Variants in PCBP3 observed in about 807,000 individuals in gnomAD.
PCBP3 encodes the protein poly(rC)-binding protein 3.
In PCBP3, 25 loss-of-function variants were observed where a neutral mutation model predicts 52.7. The observed-to-expected ratio is 0.47, with a 90% CI of 0.35 to 0.66. PCBP3 has a LOEUF of 0.66. Ranked by LOEUF, PCBP3 falls within the 30% of genes least tolerant of loss-of-function variation. The pLI is 0.01. For synonymous variants in PCBP3, 162 were observed against 183.0 expected, an observed-to-expected ratio of 0.89 and a Z score of 0.93; for missense variants, 391 against 490.3, an observed-to-expected ratio of 0.80 and a Z score of 1.91.
intron 2 of PCBP3, among the ~76,000 whole-genome samples, chr21:45,707,981 C>T (rs545220904): frequency 1.7e-4 from 26 of 152,324 alleles, no homozygotes; most frequent in African/African-American, 6.0e-4. Flanking sequence ...CAAGGTCACT[C>T]CACTGGTGTC....
intron 4 of PCBP3, among the ~76,000 whole-genome samples, chr21:45,834,849 G>C (rs1345453672): frequency 6.6e-6 from 1 of 152,252 alleles, no homozygotes; most frequent in Admixed American, 6.5e-5. Flanking sequence ...GCAGAGCCCA[G>C]GAATGCCCAC....
At chr21:45,893,780 G>A in intron 5 of PCBP3, 1 of 985,504 alleles carries the variant, frequency 1.0e-6, no homozygotes, top group Non-Finnish European at 1.2e-6. Flanking sequence ...CACAGTGTGG[G>A]GAGGGGCGGG....
At chr21:45,689,537 C>T (rs1187102128) in intron 2 of PCBP3, among the ~76,000 whole-genome samples, 2 of 152,016 alleles carry the variant, frequency 1.3e-5, no homozygotes, top group African/African-American at 4.8e-5. Context: ...CAAGAAGATC[C>T]ATTCTCACTA....
At chr21:45,909,960 C>T (rs1468047823) in intron 10 of PCBP3, among the ~76,000 whole-genome samples, 1 of 83,520 alleles carries the variant, frequency 1.2e-5, no homozygotes, top group Non-Finnish European at 2.4e-5. Context: ...AGATACGGAC[C>T]CCCCCACACA....
intron 4 of PCBP3, among the ~76,000 whole-genome samples, chr21:45,790,235 G>A (rs760658314): frequency 1.3e-4 from 20 of 152,128 alleles, no homozygotes; most frequent in Non-Finnish European, 2.5e-4. Context: ...AGGTGGTCCC[G>A]AGGACGTCAT....
At chr21:45,930,974 G>A (rs2076103322) in intron 15 of PCBP3, 129 bp downstream of exon 15, 2 of 1,344,554 alleles carry the variant, frequency 1.5e-6, no homozygotes, top group African/African-American at 1.4e-5. Context: ...GCCAGCCTCA[G>A]GTGCTGCCAA....
chr21:45,710,169 AT>A (rs750001064), intron 2 of PCBP3, among the ~76,000 whole-genome samples: 8 of 152,126 alleles, frequency 5.3e-5, no homozygotes, highest in Admixed American at 1.3e-4. Flanking sequence ...TATTAGTGTT[AT>A]ACTTTAAGTT....
chr21:45,695,105 G>T (rs143296822), intron 2 of PCBP3, among the ~76,000 whole-genome samples: 89 of 152,310 alleles, frequency 5.8e-4, no homozygotes, highest in Non-Finnish European at 9.1e-4. Context: ...ATAAGATGGA[G>T]AAATTGAAAT....
intron 4 of PCBP3, chr21:45,762,848 C>G (rs946388387): frequency 6.6e-6 from 1 of 152,266 alleles, no homozygotes; most frequent in East Asian, 1.9e-4. Context: ...AACCACCTCA[C>G]TCTCATTGAG....
chr21:45,794,785 CG>C (rs1181805943), intron 4 of PCBP3, among the ~76,000 whole-genome samples: 1 of 151,924 alleles, frequency 6.6e-6, no homozygotes, highest in African/African-American at 2.4e-5. Flanking sequence ...CAGAATGAGC[CG>C]GGCGTGGTGG....
At chr21:45,836,730 C>T (rs973437006) in intron 4 of PCBP3, among the ~76,000 whole-genome samples, 1 of 152,038 alleles carries the variant, frequency 6.6e-6, no homozygotes, top group Non-Finnish European at 1.5e-5. Context: ...TTTCTCATCT[C>T]TTCTCTTTAA....
At chr21:45,894,021 G>T (rs1603473436) in intron 5 of PCBP3, 9 of 985,484 alleles carry the variant, frequency 9.1e-6, no homozygotes, top group Non-Finnish European at 1.1e-5. Flanking sequence ...TGGACGGGTA[G>T]GTGCCTAGGG....
chr21:45,805,144 C>CCA lies in PCBP3; in HGVS notation c.-125-44814_-125-44813dup, dbSNP rs1480281733. 7.9e-5 allele frequency among the ~76,000 whole-genome samples: 12 copies of CCA among 152,194 alleles called. No homozygotes were observed. The highest frequency in any genetic ancestry group is 1.8e-4 in the Non-Finnish European group (12 of 68,020). ...GCATCGTCATCTTGGGCCATGGCTA[C>CCA]CACATATGGCGCTTCCTAGCCGGGC... On this transcript the variant is annotated intron_variant, in intron 4 of 17. Transcript: ENST00000681687. The surrounding 1 kb of genome is among the most constrained non-coding windows in gnomAD (Gnocchi z 4.6).
chr21:45,847,826 G>A (rs549605275), intron 4 of PCBP3, among the ~76,000 whole-genome samples: 7 of 152,196 alleles, frequency 4.6e-5, no homozygotes, highest in Non-Finnish European at 1.0e-4. Flanking sequence ...TCAAGTACAT[G>A]ATGAGCCTTT....
rs566059462 is a variant in PCBP3, at chr21:45,740,008, C to T, written c.-162+4579C>T. Among the ~76,000 whole-genome samples, 49 of 152,350 alleles carry T rather than the reference C, an allele frequency of 3.2e-4. No individual in the cohort carries two copies. In the South Asian group the frequency reaches 9.9e-3, roughly 31 times the overall value. ...CACTTGCCTAGTCCCAGCAGCACCCCCTTGAAGAATTGCTTTTGCCTGAGT... is the reference window on the plus strand; with the variant it reads ...CACTTGCCTAGTCCCAGCAGCACCCTCTTGAAGAATTGCTTTTGCCTGAGT... On this transcript the variant is annotated intron_variant, in intron 3 of 17. Coordinates refer to ENST00000681687, the MANE Select transcript of PCBP3 (RefSeq NM_001384156.1).
chr21:45,924,048 G>A (rs1569502283), intron 13 of PCBP3, among the ~76,000 whole-genome samples: 2 of 124,756 alleles, frequency 1.6e-5, no homozygotes, highest in Non-Finnish European at 3.3e-5. Flanking sequence ...GAACAGTCGA[G>A]TGGGTAGAAA....
rs1321001703 is a variant in PCBP3 at position 45,741,335 on chromosome 21, A to G, written c.-162+5906A>G. Among the ~76,000 whole-genome samples, 1 of 152,194 alleles carries G rather than the reference A, an allele frequency of 6.6e-6. No homozygotes were observed. Among genetic ancestry groups the G allele is most frequent in the Non-Finnish European group, 1.5e-5 (1 of 68,024 alleles). On this transcript the variant is annotated intron_variant, in intron 3 of 17. Transcript: ENST00000681687. The surrounding 1 kb of genome is among the most constrained non-coding windows in gnomAD (Gnocchi z 4.5). ...CTGTGAGAAGCAGAAACATTGTGCA[A>G]GAAGGGAGCTGCAGCATCAGGTGTG...
At chr21:45,903,669 A>C (rs2096125191) in intron 9 of PCBP3, among the ~76,000 whole-genome samples, 1 of 152,248 alleles carries the variant, frequency 6.6e-6, no homozygotes, top group Non-Finnish European at 1.5e-5. Flanking sequence ...GGTGGATGAC[A>C]ACCAGGGGTC....
chr21:45,743,039 C>G (rs1569172455), intron 3 of PCBP3, among the ~76,000 whole-genome samples: 2 of 152,062 alleles, frequency 1.3e-5, no homozygotes, highest in African/African-American at 4.8e-5. Flanking sequence ...AAATAGTTTC[C>G]TATATAGAAA....
Sources: allele counts gnomAD v4.1 joint callset (sites outside exome capture counted in the v4.1 genomes callset), GRCh38; gene constraint gnomAD v4.1.1; non-coding constraint Gnocchi (gnomAD v3.1); transcripts MANE v1.5; gene names NCBI Gene and HGNC (gene_info 2026-07-23, HGNC 2026-07-21).